DIPK2B: variants seen among roughly 807,000 people sequenced by gnomAD.
The protein encoded by DIPK2B is divergent protein kinase domain 2B.
A neutral mutation model predicts 22.2 loss-of-function variants in DIPK2B; 15 were observed. The ratio of observed to expected loss-of-function variants is 0.68; its 90% CI spans 0.45 to 1.04. The LOEUF is 1.04. Ranked by LOEUF, DIPK2B falls within the 50% of genes least tolerant of loss-of-function variation. The pLI is 0.00. For synonymous variants in DIPK2B, 163 were observed against 153.2 expected, an observed-to-expected ratio of 1.06 and a Z score of -0.47; for missense variants, 345 against 348.3, an observed-to-expected ratio of 0.99 and a Z score of 0.08.
chrX:45,154,148 A>T lies in DIPK2B; in HGVS notation c.723T>A (p.Cys241Ter). ...GWPLPKYLGS[C>*]GRFLVSTSTR... The stretch of plus-strand genomic sequence containing the variant: ...TGCTGGTGCTGACGAGGAATCTGCC[A>T]CAGGAGCCCAGGTACTTGGGCAGCG... Residue 241 changes from cysteine to a stop codon, truncating the protein, a stop_gained, in exon 4 of 5, where the codon TGT becomes TGA. Transcript: ENST00000398000. LOFTEE classifies it high-confidence loss of function. 1 of 1,210,450 alleles carries T rather than the reference A, an allele frequency of 8.3e-7. No individual in the cohort carries two copies.
rs1230266485 is a variant in DIPK2B, at chrX:45,151,682, G to A, written c.1272C>T (p.Tyr424=). Residue 424 remains tyrosine, a synonymous_variant, in exon 5 of 5, where the codon TAC becomes TAT. Coordinates refer to ENST00000398000, the MANE Select transcript of DIPK2B (RefSeq NM_176819.4). Reference sequence around the variant, plus strand: ...ACTTATCGTTATATTTGCAATCTGGGTAACGATAGGCAAATCTGGAGTCAC... The same window carrying A: ...ACTTATCGTTATATTTGCAATCTGGATAACGATAGGCAAATCTGGAGTCAC... ...RTCDSRFAYR[Y]PDCKYNDKF The A allele has an allele frequency of 8.3e-7, 1 of 1,211,841 alleles. No homozygotes were observed. Among genetic ancestry groups the A allele is most frequent in the Admixed American group, 2.2e-5 (1 of 46,059 alleles).
chrX:45,185,356 C>T (rs981724407), intron 2 of DIPK2B, among the ~76,000 whole-genome samples: 1 of 111,347 alleles, frequency 9.0e-6, no homozygotes, highest in African/African-American at 3.3e-5. Flanking sequence ...CAAAGGATGC[C>T]TTGATTTTTT....
chrX:45,177,477 G>C (rs2047125082), intron 2 of DIPK2B, among the ~76,000 whole-genome samples: 2 of 108,738 alleles, frequency 1.8e-5, no homozygotes, highest in South Asian at 8.3e-4. Flanking sequence ...TTATTAAAAA[G>C]AGCCTGCCAC....
chrX:45,157,947 G>A, intron 2 of DIPK2B, 59 bp from the exon 3 acceptor site: 1 of 926,199 alleles, frequency 1.1e-6, no homozygotes, highest in Non-Finnish European at 1.4e-6. Context: ...AGCTCTTGTG[G>A]GGGGTTAGCA....
At chrX:45,164,344 G>A in intron 2 of DIPK2B, 3 of 930,892 alleles carry the variant, frequency 3.2e-6, no homozygotes, top group East Asian at 3.4e-5. Context: ...AAATGCAAAT[G>A]GCAGATAGCA....
chrX:45,184,692 C>G (rs1004375346), intron 2 of DIPK2B, among the ~76,000 whole-genome samples: 2 of 111,660 alleles, frequency 1.8e-5, no homozygotes, highest in African/African-American at 6.5e-5. Flanking sequence ...AATTAATATG[C>G]GTTTTTAATA....
At chrX:45,187,142 A>G (rs1445153174) in intron 2 of DIPK2B, among the ~76,000 whole-genome samples, 3 of 112,013 alleles carry the variant, frequency 2.7e-5, no homozygotes, top group Non-Finnish European at 5.6e-5. Context: ...GGAGGAACAC[A>G]CTGCTTAGAA....
At chrX:45,194,411 G>T (rs1264754366) in intron 1 of DIPK2B, among the ~76,000 whole-genome samples, 1 of 110,843 alleles carries the variant, frequency 9.0e-6, no homozygotes, top group Non-Finnish European at 1.9e-5. Context: ...CACCATGGAT[G>T]GCTAATTTTT....
chrX:45,165,617 A>G (rs968861426), intron 2 of DIPK2B, among the ~76,000 whole-genome samples: 1 of 111,473 alleles, frequency 9.0e-6, no homozygotes, highest in Admixed American at 9.5e-5. Context: ...CTGGCATCCT[A>G]GACACCTCCA....
intron 4 of DIPK2B, among the ~76,000 whole-genome samples, chrX:45,152,357 C>A (rs866106366): frequency 9.9e-6 from 1 of 100,701 alleles, no homozygotes; most frequent in African/African-American, 3.6e-5. Flanking sequence ...AAAGCCATCT[C>A]AAAAAAAAAA....
intron 2 of DIPK2B, chrX:45,164,145 A>G (rs1365814463): frequency 1.7e-6 from 2 of 1,158,290 alleles, no homozygotes; most frequent in East Asian, 3.0e-5. Context: ...GAGAAGGCTA[A>G]CACTTTCTGG....
Position 45,153,960 on chromosome X carries a change from T to C in DIPK2B, c.911A>G (p.His304Arg). 1 of 1,210,969 alleles carries C rather than the reference T, an allele frequency of 8.3e-7. No homozygotes were observed. The highest frequency in any genetic ancestry group is 1.1e-6 in the Non-Finnish European group (1 of 895,148). ...AGMFGVFNNG[H>R]LFIRDASAVG... Reference sequence around the variant, plus strand: ...TGCACTGGCATCCCGGATGAACAGATGCCCGTTGTTAAAGACGCCGAACAT... The same window carrying C: ...TGCACTGGCATCCCGGATGAACAGACGCCCGTTGTTAAAGACGCCGAACAT... The change falls in exon 4 of 5, where the codon CAT (histidine) becomes CGT (arginine). Residue 304 changes from histidine (H) to arginine (R), a missense_variant. His to Arg is a conservative substitution (Grantham distance 29). Transcript: ENST00000398000.
At chrX:45,178,403 G>A (rs1292683506) in intron 2 of DIPK2B, among the ~76,000 whole-genome samples, 1 of 111,423 alleles carries the variant, frequency 9.0e-6, no homozygotes, top group African/African-American at 3.3e-5. Context: ...GGCCATGACA[G>A]AATATACCTG....
intron 2 of DIPK2B, among the ~76,000 whole-genome samples, chrX:45,165,883 TTAG>T (rs1166423356): frequency 9.0e-6 from 1 of 111,080 alleles, no homozygotes; most frequent in African/African-American, 3.3e-5. Context: ...ATTCAGTACA[TTAG>T]TACGTATCAT....
chrX:45,169,600 A>T (rs1443465451), intron 2 of DIPK2B, among the ~76,000 whole-genome samples: 3 of 111,731 alleles, frequency 2.7e-5, no homozygotes, highest in African/African-American at 9.8e-5. Context: ...GCCACCAAGG[A>T]CACCCCAATT....
intron 2 of DIPK2B, among the ~76,000 whole-genome samples, chrX:45,175,543 A>AT (rs1406551186): frequency 9.4e-6 from 1 of 106,400 alleles, no homozygotes. Context: ...GTTATATGTG[A>AT]TTTTTCCCAC....
At chrX:45,194,739 A>C (rs947898788) in intron 1 of DIPK2B, among the ~76,000 whole-genome samples, 1 of 112,039 alleles carries the variant, frequency 8.9e-6, no homozygotes, top group African/African-American at 3.2e-5. Flanking sequence ...GAGAATTGAA[A>C]AGGATGAGAA....
chrX:45,158,146 G>A (rs1315384632), intron 2 of DIPK2B, among the ~76,000 whole-genome samples: 1 of 105,983 alleles, frequency 9.4e-6, no homozygotes, highest in Non-Finnish European at 2.0e-5. Flanking sequence ...ACTTTTCGGG[G>A]GTGGGGTGGG....
At chrX:45,185,721 C>T (rs773354690) in intron 2 of DIPK2B, among the ~76,000 whole-genome samples, 1 of 102,829 alleles carries the variant, frequency 9.7e-6, no homozygotes, top group Non-Finnish European at 2.0e-5. Flanking sequence ...GGCGCAGTCT[C>T]GGCTCACTGC....
Sources: allele counts gnomAD v4.1 joint callset (sites outside exome capture counted in the v4.1 genomes callset), GRCh38; gene constraint gnomAD v4.1.1; transcripts MANE v1.5; gene names NCBI Gene and HGNC (gene_info 2026-07-23, HGNC 2026-07-21).